Variants in SNRNP40 observed in about 807,000 individuals in gnomAD.
SNRNP40 encodes small nuclear ribonucleoprotein U5 subunit 40, also known as U5 small nuclear ribonucleoprotein 40 kDa protein.
SNRNP40 carries 21 observed loss-of-function variants against 45.8 expected under a neutral mutation model. That is an observed-to-expected ratio of 0.46 (90% CI 0.32 to 0.66). SNRNP40 has a LOEUF of 0.66. Ranked by LOEUF, SNRNP40 falls within the 30% of genes least tolerant of loss-of-function variation. The pLI is 0.03. For synonymous variants in SNRNP40, 142 were observed against 163.8 expected, an observed-to-expected ratio of 0.87 and a Z score of 1.01; for missense variants, 344 against 439.1, an observed-to-expected ratio of 0.78 and a Z score of 1.94.
intron 4 of SNRNP40, 80 bp downstream of exon 4, chr1:31,289,174 G>T: frequency 1.5e-6 from 2 of 1,313,104 alleles, no homozygotes; most frequent in Non-Finnish European, 2.1e-6. Context: ...TGCACAGGAA[G>T]CTAGAGTACA....
intron 1 of SNRNP40, among the ~76,000 whole-genome samples, chr1:31,295,877 G>A (rs1172454458): frequency 6.6e-6 from 1 of 152,232 alleles, no homozygotes; most frequent in African/African-American, 2.4e-5. Flanking sequence ...CTATTTTGAG[G>A]ACGGTGCCAG....
intron 4 of SNRNP40, chr1:31,282,314 C>T (rs1032674924): frequency 1.3e-5 from 2 of 152,074 alleles, no homozygotes; most frequent in African/African-American, 2.4e-5. Flanking sequence ...CCCTTGAAAA[C>T]ATTTAAAGGA....
chr1:31,293,771 G>A (rs1022837609), intron 1 of SNRNP40, among the ~76,000 whole-genome samples: 8 of 152,144 alleles, frequency 5.3e-5, no homozygotes, highest in African/African-American at 1.9e-4. Flanking sequence ...TTGTGGAGAT[G>A]AGGTCTTGCT....
chr1:31,282,558 G>GCTATCTATCTATCTATCTAT (rs58140918), intron 4 of SNRNP40: 6 of 140,762 alleles, frequency 4.3e-5, no homozygotes, highest in Admixed American at 7.3e-5. Context: ...TGTCGCCTAG[G>GCTATCTATCTATCTATCTAT]CTATCTATCT....
intron 3 of SNRNP40, among the ~76,000 whole-genome samples, chr1:31,290,394 G>C (rs1388606640): frequency 6.6e-6 from 1 of 152,090 alleles, no homozygotes; most frequent in Non-Finnish European, 1.5e-5. Flanking sequence ...AGCACCCTAA[G>C]ATTTTAGAGG....
intron 4 of SNRNP40, among the ~76,000 whole-genome samples, chr1:31,285,242 C>CTTT (rs10694913): frequency 0.019 from 2,611 of 139,282 alleles, 95 homozygotes; most frequent in African/African-American, 0.058. Context: ...GCCTTATCAC[C>CTTT]TTTTTTTTTT....
intron 3 of SNRNP40, among the ~76,000 whole-genome samples, chr1:31,291,063 C>T (rs1307935709): frequency 2.7e-5 from 4 of 150,280 alleles, no homozygotes; most frequent in South Asian, 2.1e-4. Context: ...CTGAGGTGGG[C>T]GGATCACCTG....
intron 2 of SNRNP40, among the ~76,000 whole-genome samples, chr1:31,292,500 T>C (rs1557681053): frequency 6.6e-6 from 1 of 152,226 alleles, no homozygotes; most frequent in Admixed American, 6.5e-5. Flanking sequence ...TTAAGGATCA[T>C]AGAGCCGGAA....
At chr1:31,279,545 C>T (rs540219147) in intron 5 of SNRNP40, among the ~76,000 whole-genome samples, 2 of 151,832 alleles carry the variant, frequency 1.3e-5, no homozygotes, top group Non-Finnish European at 2.9e-5. Flanking sequence ...GTCAGGAGTT[C>T]GAGACCAGCC....
intron 5 of SNRNP40, among the ~76,000 whole-genome samples, chr1:31,276,934 T>C (rs541656209): frequency 3.7e-4 from 57 of 152,180 alleles, no homozygotes; most frequent in African/African-American, 1.4e-3. Flanking sequence ...CTCGGGAGGC[T>C]GAGGCAGGAG....
intron 2 of SNRNP40, among the ~76,000 whole-genome samples, chr1:31,292,684 C>T (rs769540958): frequency 8.5e-5 from 13 of 152,136 alleles, no homozygotes; most frequent in South Asian, 2.1e-4. Context: ...ATAAATAAAA[C>T]GACTTTTTCT....
intron 5 of SNRNP40, among the ~76,000 whole-genome samples, chr1:31,272,297 ACT>A (rs1645944193): frequency 6.6e-6 from 1 of 152,220 alleles, no homozygotes; most frequent in Non-Finnish European, 1.5e-5. Flanking sequence ...ATGCACATAC[ACT>A]ATGGAAAAGC....
chr1:31,295,369 A>T (rs1646139292), intron 1 of SNRNP40, among the ~76,000 whole-genome samples: 1 of 152,138 alleles, frequency 6.6e-6, no homozygotes, highest in Admixed American at 6.5e-5. Flanking sequence ...AGAGAGAGAG[A>T]AGCAATGTGG....
At position 31,265,159 on chromosome 1, in the gene SNRNP40, C is replaced by G. The variant is rs1005436922; in HGVS notation, c.920+2712G>C. Among the ~76,000 whole-genome samples the G allele has an allele frequency of 3.9e-5, 6 of 152,072 alleles. 1 individual carries two copies. The highest frequency in any genetic ancestry group is 1.4e-4 in the African/African-American group (6 of 41,404). On this transcript the variant is annotated intron_variant, in intron 8 of 9. Coordinates refer to ENST00000263694, the MANE Select transcript of SNRNP40 (RefSeq NM_004814.3). ...TTTTTTAAAGAGATGGGGTCTTGCT[C>G]TGTTGCCCAGGCTGGAGAGCAGTGG...
chr1:31,275,776 T>C (rs2135217), intron 5 of SNRNP40, among the ~76,000 whole-genome samples: 1 of 152,218 alleles, frequency 6.6e-6, no homozygotes, highest in Non-Finnish European at 1.5e-5. Flanking sequence ...ATCTCTGTTA[T>C]ACAAGAGCAA....
At chr1:31,289,155 A>AT in intron 4 of SNRNP40, 99 bp downstream of exon 4, 4 of 1,103,462 alleles carry the variant, frequency 3.6e-6, no homozygotes, top group Non-Finnish European at 5.2e-6. Context: ...GACTGCTAAA[A>AT]TTAAGTTTTG....
chr1:31,269,471 T>C, intron 6 of SNRNP40: 2 of 1,030,094 alleles, frequency 1.9e-6, no homozygotes, highest in East Asian at 3.0e-5. Context: ...GAAGGAAAAA[T>C]GTCACACACA....
At chr1:31,290,681 T>C (rs1646098768) in intron 3 of SNRNP40, among the ~76,000 whole-genome samples, 1 of 151,528 alleles carries the variant, frequency 6.6e-6, no homozygotes, top group South Asian at 2.1e-4. Flanking sequence ...ATCGAGACCA[T>C]CCTGGCTAAC....
intron 5 of SNRNP40, among the ~76,000 whole-genome samples, chr1:31,277,146 A>G (rs529322364): frequency 6.6e-6 from 1 of 152,328 alleles, no homozygotes; most frequent in South Asian, 2.1e-4. Context: ...GCAGTGAGCC[A>G]TGATTGCACC....
Sources: allele counts gnomAD v4.1 joint callset (sites outside exome capture counted in the v4.1 genomes callset), GRCh38; gene constraint gnomAD v4.1.1; transcripts MANE v1.5; gene names NCBI Gene and HGNC (gene_info 2026-07-23, HGNC 2026-07-21).